Variants in ARG2 observed in about 807,000 individuals in gnomAD.
ARG2 encodes arginase 2.
ARG2 carries 21 observed loss-of-function variants against 39.4 expected under a neutral mutation model. That is an observed-to-expected ratio of 0.53 (90% confidence interval 0.38 to 0.77). ARG2 has a LOEUF of 0.77. ARG2 is among the 30% of genes least tolerant of loss of function. ARG2 has a pLI of 0.00. For synonymous variants in ARG2, 150 were observed against 156.7 expected (o/e 0.96, Z 0.32); for missense variants, 378 against 426.2 (o/e 0.89, Z 1.00).
chr14:67,636,119 T>C (rs1215489219), intron 2 of ARG2, among the ~76,000 whole-genome samples: 1 of 152,146 alleles, frequency 6.6e-6, no homozygotes, highest in Non-Finnish European at 1.5e-5. Context: ...CCATGTCTGT[T>C]ATTCTACCAA....
chr14:67,642,461 C>T, intron 3 of ARG2, 98 bp downstream of exon 3: 1 of 1,372,028 alleles, frequency 7.3e-7, no homozygotes, highest in Non-Finnish European at 9.9e-7. Context: ...GAGAAAAATA[C>T]CCTACAGAAT....
At chr14:67,635,845 T>TC (rs1364005579) in intron 2 of ARG2, among the ~76,000 whole-genome samples, 3 of 152,238 alleles carry the variant, frequency 2.0e-5, no homozygotes, top group Admixed American at 1.3e-4. Flanking sequence ...GAGCAAAACT[T>TC]CATCTAAAAA....
At chr14:67,640,928 T>G (rs2037023715) in intron 2 of ARG2, among the ~76,000 whole-genome samples, 1 of 152,228 alleles carries the variant, frequency 6.6e-6, no homozygotes, top group Non-Finnish European at 1.5e-5. Flanking sequence ...TTCCAAAATC[T>G]GAAACTTTTT....
At chr14:67,634,430 C>CAAA (rs574075570) in intron 2 of ARG2, among the ~76,000 whole-genome samples, 6 of 114,476 alleles carry the variant, frequency 5.2e-5, no homozygotes, top group Non-Finnish European at 7.5e-5. Context: ...CTATCTCTAC[C>CAAA]AAAAAAAAAA....
In ARG2 at chr14:67,645,793, A is replaced by G; in HGVS notation, c.513A>G (p.Leu171=). 6.2e-7 allele frequency: 1 copy of G among 1,613,952 alleles called. No individual in the cohort carries two copies. The highest frequency in any genetic ancestry group is 8.5e-7 in the Non-Finnish European group (1 of 1,179,896). Residue 171 remains leucine, a synonymous_variant, in exon 4 of 8, where the codon CTA becomes CTG. Coordinates refer to ENST00000261783, the MANE Select transcript of ARG2 (RefSeq NM_001172.4). ...CAGTTTCATTTCTCCTCAGAGAACTACAGGATAAGGTCAGTGGGCCAAAAC... is the reference window on the plus strand; with the variant it reads ...CAGTTTCATTTCTCCTCAGAGAACTGCAGGATAAGGTCAGTGGGCCAAAAC... ...GQPVSFLLRE[L]QDKVPQLPGF...
chr14:67,648,427 CAATT>C (rs543228316), intron 7 of ARG2: 358 of 335,466 alleles, frequency 1.1e-3, no homozygotes, highest in Non-Finnish European at 1.8e-3. Context: ...TATATTTAAA[CAATT>C]AAATACAAGA....
At chr14:67,638,048 G>A (rs921877855) in intron 2 of ARG2, among the ~76,000 whole-genome samples, 3 of 152,194 alleles carry the variant, frequency 2.0e-5, no homozygotes, top group African/African-American at 7.2e-5. Flanking sequence ...AGGCATGAGA[G>A]CCACAAGCCA....
At chr14:67,630,199 G>A (rs2140728491) in intron 2 of ARG2, among the ~76,000 whole-genome samples, 1 of 152,332 alleles carries the variant, frequency 6.6e-6, no homozygotes, top group African/African-American at 2.4e-5. Context: ...AGTAATTGCG[G>A]TTTTTGCTGT....
At chr14:67,623,550 T>TC (rs1211821189) in intron 2 of ARG2, among the ~76,000 whole-genome samples, 12 of 144,086 alleles carry the variant, frequency 8.3e-5, no homozygotes, top group Admixed American at 7.0e-4. Context: ...TTTTTTTTTT[T>TC]TTTTTTTTTT....
At chr14:67,640,688 A>G (rs1031309621) in intron 2 of ARG2, among the ~76,000 whole-genome samples, 5 of 152,176 alleles carry the variant, frequency 3.3e-5, no homozygotes, top group African/African-American at 4.8e-5. Flanking sequence ...AATATAATCT[A>G]TGTCAATGTT....
chr14:67,647,071 A>C, intron 6 of ARG2, 46 bp downstream of exon 6: 1 of 1,197,528 alleles, frequency 8.4e-7, no homozygotes, highest in South Asian at 1.2e-5. Flanking sequence ...AATGGGCAAC[A>C]CACTTTTAGC....
chr14:67,645,592 G>A lies in ARG2; in HGVS notation c.363-51G>A, dbSNP rs370547651. 1.6e-5 allele frequency: 26 copies of A among 1,578,616 alleles called. No individual in the cohort carries two copies. The African/African-American group carries it at 2.0e-4, about 12-fold the overall frequency. ...GTTTTGGCTGAGGACGTTTGTTATCGGTCATGTTTGCCAAGCAGAGGGCCT... is the reference window on the plus strand; with the variant it reads ...GTTTTGGCTGAGGACGTTTGTTATCAGTCATGTTTGCCAAGCAGAGGGCCT... On this transcript the variant is annotated intron_variant, in intron 3 of 7. Transcript: ENST00000261783.
At chr14:67,629,210 C>T (rs551530277) in intron 2 of ARG2, among the ~76,000 whole-genome samples, 1 of 152,240 alleles carries the variant, frequency 6.6e-6, no homozygotes, top group East Asian at 1.9e-4. Flanking sequence ...GTGGTGCATG[C>T]ACATAGTCCT....
chr14:67,619,987 A>T lies in ARG2; in HGVS notation c.10A>T (p.Arg4Trp), dbSNP rs143988405. 2.9e-4 allele frequency: 470 copies of T among 1,602,552 alleles called. 1 individual carries two copies. Among genetic ancestry groups the T allele is most frequent in the Admixed American group, 2.2e-3 (130 of 58,498 alleles). MSL[R>W]GSLSRLLQTR... ...CTCAGTGCTGCGGATCATGTCCCTA[A>T]GGGGCAGCCTCTCGCGTCTCCTCCA... is the stretch of plus-strand genomic sequence containing the variant. The change falls in exon 1 of 8, where the codon AGG (arginine) becomes TGG (tryptophan). Residue 4 changes from arginine to tryptophan, a missense_variant. Coordinates refer to ENST00000261783, the MANE Select transcript of ARG2 (RefSeq NM_001172.4).
rs1440056444 is a variant in ARG2 at position 67,647,042 on chromosome 14, G to A, written c.722+17G>A. On this transcript the variant is annotated intron_variant, in intron 6 of 7. Transcript: ENST00000261783. The stretch of plus-strand genomic sequence containing the variant: ...GATTGGCAAGTAAGTAACTATAACT[G>A]ATGTCAGGGCAAACCCCCAATGGGC... 1.3e-6 allele frequency: 2 copies of A among 1,533,558 alleles called. No individual in the cohort carries two copies. The highest frequency in any genetic ancestry group is 3.3e-5 in the Admixed American group (2 of 59,830). The allele number at this position is 1,533,558 out of a possible 1,614,324, so 95.0% of individuals were successfully genotyped here.
chr14:67,620,252 G>C (rs2036794511), intron 1 of ARG2, among the ~76,000 whole-genome samples, 164 bp downstream of exon 1: 1 of 151,854 alleles, frequency 6.6e-6, no homozygotes, highest in South Asian at 2.1e-4. Context: ...GGGAGCATGT[G>C]GGATATCCTC....
intron 2 of ARG2, among the ~76,000 whole-genome samples, chr14:67,640,451 A>C (rs754065718): frequency 1.3e-5 from 2 of 152,176 alleles, no homozygotes; most frequent in Non-Finnish European, 2.9e-5. Flanking sequence ...GGTTGGCCTC[A>C]TGGCTTTTTG....
chr14:67,628,927 T>A (rs929162349), intron 2 of ARG2, among the ~76,000 whole-genome samples: 1 of 152,232 alleles, frequency 6.6e-6, no homozygotes, highest in Non-Finnish European at 1.5e-5. Context: ...TGTGTACCCA[T>A]GTTCACAGCA....
At chr14:67,645,844 G>A in intron 4 of ARG2, 42 bp downstream of exon 4, 2 of 1,604,510 alleles carry the variant, frequency 1.2e-6, no homozygotes, top group Non-Finnish European at 1.7e-6. Context: ...TGGCTTGCAG[G>A]GTTTTGCTGG....
Sources: allele counts gnomAD v4.1 joint callset (sites outside exome capture counted in the v4.1 genomes callset), GRCh38; gene constraint gnomAD v4.1.1; transcripts MANE v1.5; gene names NCBI Gene and HGNC (gene_info 2026-07-23, HGNC 2026-07-21).